Variants in CPEB3 observed in about 807,000 individuals in gnomAD.
CPEB3 encodes cytoplasmic polyadenylation element-binding protein 3.
CPEB3 carries 20 observed loss-of-function variants against 67.2 expected under a neutral mutation model. The observed-to-expected ratio is 0.30, with a 90% CI of 0.21 to 0.43. The LOEUF is 0.43. Ranked by LOEUF, CPEB3 falls within the 20% of genes least tolerant of loss-of-function variation. CPEB3 has a pLI of 1.00. For missense variants in CPEB3, 746 were observed against 968.6 expected, an observed-to-expected ratio of 0.77 and a Z score of 3.05; for synonymous variants, 376 against 393.1, an observed-to-expected ratio of 0.96 and a Z score of 0.51.
intron 3 of CPEB3, among the ~76,000 whole-genome samples, chr10:92,182,825 CAAA>C (rs781545538): frequency 4.1e-5 from 2 of 49,136 alleles, no homozygotes; most frequent in Non-Finnish European, 4.5e-5. Flanking sequence ...GACTCCGTCT[CAAA>C]AAAAAAAAAA....
intron 6 of CPEB3, among the ~76,000 whole-genome samples, chr10:92,118,355 C>T (rs1298966492): frequency 6.6e-6 from 1 of 152,154 alleles, no homozygotes; most frequent in Admixed American, 6.6e-5. Context: ...TGGTATCGAA[C>T]TCCTGACCTC....
intron 9 of CPEB3, among the ~76,000 whole-genome samples, chr10:92,069,207 T>C (rs1564752258): frequency 1.3e-5 from 2 of 152,224 alleles, no homozygotes; most frequent in Admixed American, 6.5e-5. Flanking sequence ...AGTCTTCGTG[T>C]AGGCTAAAAA....
At chr10:92,193,324 CT>C (rs1428694994) in intron 2 of CPEB3, among the ~76,000 whole-genome samples, 1 of 152,142 alleles carries the variant, frequency 6.6e-6, no homozygotes, top group Non-Finnish European at 1.5e-5. Flanking sequence ...TGCAGAGTGA[CT>C]TTCTCGCAAA....
At chr10:92,290,487 C>T (rs561851639) in intron 1 of CPEB3, among the ~76,000 whole-genome samples, 7 of 152,246 alleles carry the variant, frequency 4.6e-5, no homozygotes, top group African/African-American at 7.2e-5. Flanking sequence ...CCAACGTGTT[C>T]CATTTGGAGA....
chr10:92,194,574 G>T (rs1849140247), intron 2 of CPEB3, among the ~76,000 whole-genome samples: 1 of 152,148 alleles, frequency 6.6e-6, no homozygotes, highest in Non-Finnish European at 1.5e-5. Flanking sequence ...TAACCCAAAG[G>T]AGTATTTTCA....
At position 92,235,760 on chromosome 10, in the gene CPEB3, T is replaced by C. The variant is rs78381065; in HGVS notation, c.1005+3586A>G. Among the ~76,000 whole-genome samples the C allele has an allele frequency of 0.012, 1,773 of 152,316 alleles. 101 individuals are homozygous for C. The East Asian group carries it at 0.16, about 14-fold the overall frequency. ...TGTCAAAGCTTGCTTATGACAGAAA[T>C]TATCAACCTGAACCTGGGTACGTCA... On this transcript the variant is annotated intron_variant, in intron 2 of 9. Transcript: ENST00000265997.
intron 9 of CPEB3, among the ~76,000 whole-genome samples, chr10:92,071,986 G>A (rs562716889): frequency 1.3e-5 from 2 of 152,144 alleles, no homozygotes; most frequent in Non-Finnish European, 2.9e-5. Flanking sequence ...GCCATCTTTG[G>A]CTCTTATTGT....
At chr10:92,145,483 G>C (rs900496201) in intron 4 of CPEB3, among the ~76,000 whole-genome samples, 8 of 152,068 alleles carry the variant, frequency 5.3e-5, no homozygotes, top group African/African-American at 1.9e-4. Flanking sequence ...ACAAAAATTA[G>C]CCGGACATGG....
intron 1 of CPEB3, among the ~76,000 whole-genome samples, chr10:92,256,500 T>A (rs946283430): frequency 2.0e-5 from 3 of 151,982 alleles, no homozygotes; most frequent in African/African-American, 7.3e-5. Context: ...GCAATTCTCC[T>A]GCCTCAGCCT....
intron 9 of CPEB3, among the ~76,000 whole-genome samples, chr10:92,078,430 A>G (rs1843015749): frequency 6.6e-6 from 1 of 152,176 alleles, no homozygotes; most frequent in Non-Finnish European, 1.5e-5. Flanking sequence ...TCTTCAGACC[A>G]TCCCCAGGAA....
chr10:92,181,052 T>C (rs372490000), intron 3 of CPEB3, 33 bp from the exon 4 acceptor site: 4 of 1,145,382 alleles, frequency 3.5e-6, no homozygotes, highest in Non-Finnish European at 3.9e-6. Context: ...GCAAAAAGAA[T>C]GTTTAATGTA....
intron 2 of CPEB3, among the ~76,000 whole-genome samples, chr10:92,214,401 T>C (rs1850241442): frequency 6.6e-6 from 1 of 152,148 alleles, no homozygotes; most frequent in Non-Finnish European, 1.5e-5. Context: ...CCTCCAGAAC[T>C]GTGAGGAAAT....
At chr10:92,184,118 C>G (rs1368221902) in intron 3 of CPEB3, among the ~76,000 whole-genome samples, 1 of 152,178 alleles carries the variant, frequency 6.6e-6, no homozygotes, top group African/African-American at 2.4e-5. Flanking sequence ...CTCTATCGTA[C>G]GCTGATTACT....
chr10:92,169,879 T>G (rs547051367), intron 4 of CPEB3, among the ~76,000 whole-genome samples: 1 of 152,226 alleles, frequency 6.6e-6, no homozygotes, highest in Non-Finnish European at 1.5e-5. Context: ...CTCCTTTGGA[T>G]AAACCTAATT....
rs771075763 is a variant in CPEB3, at chr10:92,145,001, A to T, written c.1307T>A (p.Val436Glu). The T allele has an allele frequency of 6.2e-6, 10 of 1,613,964 alleles. No homozygotes were observed. The highest frequency in any genetic ancestry group is 5.9e-6 in the Non-Finnish European group (7 of 1,180,004). The change falls in exon 5 of 10, where the codon GTA becomes GAA. Residue 436 changes from valine to glutamate, a missense_variant. Physicochemically the swap from Val to Glu is moderately radical, Grantham distance 121. This residue lies in a region of CPEB3 where 643 missense variants were observed against 717.5 expected (regional missense o/e 0.90). Transcript: ENST00000265997. ...AAACACCTTTCTAGAGTAGCGTTCT[A>T]CTCGTTCCCCATTTTGACAGCGAGT... is the stretch of plus-strand genomic sequence containing the variant. Reference protein sequence around the residue: ...SPTRCQNGERVERYSRKVFVG... With the variant: ...SPTRCQNGEREERYSRKVFVG...
At chr10:92,107,225 A>T (rs1388571675) in intron 7 of CPEB3, among the ~76,000 whole-genome samples, 1 of 152,238 alleles carries the variant, frequency 6.6e-6, no homozygotes, top group Non-Finnish European at 1.5e-5. Context: ...TGACCACATT[A>T]CCTGAGCAAT....
intron 1 of CPEB3, among the ~76,000 whole-genome samples, chr10:92,253,092 G>T (rs1005901289): frequency 1.3e-5 from 2 of 152,034 alleles, no homozygotes; most frequent in African/African-American, 4.8e-5. Flanking sequence ...TGATTGCTAG[G>T]GAACATAAAA....
At chr10:92,175,763 G>A (rs1421989783) in intron 4 of CPEB3, among the ~76,000 whole-genome samples, 2 of 152,166 alleles carry the variant, frequency 1.3e-5, no homozygotes, top group African/African-American at 4.8e-5. Flanking sequence ...ATGACTTACA[G>A]GTGTGCTGTC....
At chr10:92,165,531 A>G (rs550791810) in intron 4 of CPEB3, among the ~76,000 whole-genome samples, 1 of 151,698 alleles carries the variant, frequency 6.6e-6, no homozygotes, top group South Asian at 2.1e-4. Context: ...AGATCAGTGA[A>G]GTTTGCCACA....
Sources: gnomAD v4.1 joint callset for allele counts (sites outside exome capture counted in the v4.1 genomes callset) on GRCh38, gnomAD v4.1.1 for gene constraint, gnomAD v4.1.1 regional missense constraint, MANE v1.5 for transcripts, NCBI Gene and HGNC (gene_info 2026-07-23, HGNC 2026-07-21) for gene names.